The following DCHS2 variants were observed in gnomAD, a reference collection of about 807,000 sequenced individuals.
DCHS2 encodes protocadherin-23.
A neutral mutation model predicts 182.4 loss-of-function variants in DCHS2; 142 were observed. The observed-to-expected ratio is 0.78, with a 90% CI of 0.68 to 0.89. The LOEUF (loss-of-function observed/expected upper bound fraction) is 0.89, where lower values mean the gene tolerates loss of function less well. Among genes scored for constraint, DCHS2 ranks in the 40% least tolerant of loss-of-function variants. DCHS2 has a pLI of 0.00. For synonymous variants in DCHS2, 1,740 were observed against 1,663.3 expected (o/e 1.05, Z -1.12); for missense variants, 4,319 against 4,198.6 (o/e 1.03, Z -0.79).
At position 154,237,083 on chromosome 4, in the gene DCHS2, A is replaced by G. The variant is rs1241705660; in HGVS notation, c.7569T>C (p.Asp2523=). The G allele has an allele frequency of 6.2e-7, 1 of 1,613,882 alleles. No individual in the cohort carries two copies. Among genetic ancestry groups the G allele is most frequent in the Non-Finnish European group, 8.5e-7 (1 of 1,179,886 alleles). ...GAGCTCTCAGGTCAGGATTTCCACC[A>G]TCACTGGCTTCCACAAGAAATTGAG... ...STTQFLVEAS[D]GGNPDLRALT... Residue 2523 remains aspartate (D), a synonymous_variant, in exon 20 of 20, where the codon GAT becomes GAC. Transcript: ENST00000357232.
rs760421253 is a variant in DCHS2, at chr4:154,235,022, A to T, written c.9630T>A (p.Asp3210Glu). Reference sequence around the variant, plus strand: ...AAAGAGCTGCACACCTTACTTCCTGATCACCTGAAATAAAGACAGACTCTT... The same window carrying T: ...AAAGAGCTGCACACCTTACTTCCTGTTCACCTGAAATAAAGACAGACTCTT... ...VRKESVFISG[D>E]QEVRCAALST... Residue 3210 changes from aspartate to glutamate, a missense_variant, in exon 20 of 20, where the codon GAT becomes GAA. Physicochemically the swap from Asp to Glu is conservative, Grantham distance 45. Coordinates refer to ENST00000357232, the MANE Select transcript of DCHS2 (RefSeq NM_001358235.2). 2 of 1,613,992 alleles carry T rather than the reference A, an allele frequency of 1.2e-6. No homozygotes were observed. Among genetic ancestry groups the T allele is most frequent in the Non-Finnish European group, 1.7e-6 (2 of 1,179,968 alleles).
intron 1 of DCHS2, among the ~76,000 whole-genome samples, chr4:154,398,059 C>T (rs1732006196): frequency 6.6e-6 from 1 of 152,176 alleles, no homozygotes; most frequent in Non-Finnish European, 1.5e-5. Flanking sequence ...AGTAGATACA[C>T]TTTGTTTTTG....
intron 3 of DCHS2, among the ~76,000 whole-genome samples, chr4:154,356,066 A>AT (rs1353715412): frequency 6.6e-6 from 1 of 152,152 alleles, no homozygotes; most frequent in Non-Finnish European, 1.5e-5. Flanking sequence ...CATTGCTATC[A>AT]TAGGAGATGA....
In DCHS2 at chr4:154,287,756, A is replaced by G. The variant is rs572020515; in HGVS notation, c.6463+10095T>C. 1.7e-4 allele frequency among the ~76,000 whole-genome samples: 26 copies of G among 152,234 alleles called. 1 individual carries two copies. In the South Asian group the frequency reaches 5.4e-3, roughly 32 times the overall value. ...CTCAGCCTCTTGACATCCTGGGATT[A>G]TAGATGTGAGCCACAGCACCCTGCC... is the stretch of plus-strand genomic sequence containing the variant. On this transcript the variant is annotated intron_variant, in intron 13 of 19. Transcript: ENST00000357232.
At chr4:154,373,947 C>T (rs532015682) in intron 2 of DCHS2, 2 of 1,596,740 alleles carry the variant, frequency 1.3e-6, no homozygotes, top group South Asian at 2.2e-5. Context: ...GTGTCATTCT[C>T]TGCTCATCCT....
intron 1 of DCHS2, among the ~76,000 whole-genome samples, chr4:154,440,024 T>C (rs138628546): frequency 3.2e-4 from 48 of 152,342 alleles, no homozygotes; most frequent in African/African-American, 1.1e-3. Context: ...TCCAAAGTCA[T>C]CTATTTATTG....
At chr4:154,317,430 A>G (rs1386609690) in intron 9 of DCHS2, among the ~76,000 whole-genome samples, 1 of 152,182 alleles carries the variant, frequency 6.6e-6, no homozygotes, top group African/African-American at 2.4e-5. Flanking sequence ...GTGTCCATGC[A>G]TGCCTCAGAA....
chr4:154,304,564 T>TGAAGTTGCAGTGAG (rs1735359125), intron 12 of DCHS2, 105 bp downstream of exon 12: 1 of 953,984 alleles, frequency 1.0e-6, no homozygotes, highest in Admixed American at 2.8e-5. Context: ...ACCTGGGAGG[T>TGAAGTTGCAGTGAG]GAAGTTGCAG....
At chr4:154,332,359 A>G (rs931329826) in intron 5 of DCHS2, 119 bp downstream of exon 5, 1 of 878,772 alleles carries the variant, frequency 1.1e-6, no homozygotes, top group Non-Finnish European at 1.7e-6. Flanking sequence ...ATACCTAACG[A>G]CTTGAGTTTT....
intron 8 of DCHS2, among the ~76,000 whole-genome samples, chr4:154,321,652 G>T (rs114806225): frequency 6.6e-6 from 1 of 152,172 alleles, no homozygotes; most frequent in Non-Finnish European, 1.5e-5. Flanking sequence ...GAAACTGGAG[G>T]TATGACCATA....
At chr4:154,302,511 A>G (rs1181223064) in intron 12 of DCHS2, among the ~76,000 whole-genome samples, 1 of 152,084 alleles carries the variant, frequency 6.6e-6, no homozygotes, top group African/African-American at 2.4e-5. Flanking sequence ...AACCCTGCCT[A>G]TCTCCTGTGT....
chr4:154,461,572 T>C (rs913912310), intron 1 of DCHS2, among the ~76,000 whole-genome samples: 1 of 152,172 alleles, frequency 6.6e-6, no homozygotes, highest in Non-Finnish European at 1.5e-5. Context: ...TGTGACATAG[T>C]ATAATGACAG....
intron 1 of DCHS2, among the ~76,000 whole-genome samples, chr4:154,392,658 C>T (rs1230405049): frequency 3.3e-5 from 5 of 152,284 alleles, no homozygotes; most frequent in East Asian, 3.9e-4. Flanking sequence ...GAAAACCATG[C>T]ACATAGATCT....
intron 1 of DCHS2, among the ~76,000 whole-genome samples, chr4:154,390,272 C>CA (rs1731637937): frequency 8.7e-6 from 1 of 114,448 alleles, no homozygotes. Flanking sequence ...CCCCTCCCCC[C>CA]ACCCCACAAC....
chr4:154,373,845 C>A, intron 2 of DCHS2: 1 of 1,235,996 alleles, frequency 8.1e-7, no homozygotes. Context: ...AGAAGGAAAA[C>A]TCGAAGCTCT....
chr4:154,238,626 C>G (rs1388746756), intron 19 of DCHS2, among the ~76,000 whole-genome samples: 2 of 152,146 alleles, frequency 1.3e-5, no homozygotes, highest in Non-Finnish European at 2.9e-5. Context: ...AGACAAAAAG[C>G]CTTGGGAAGC....
At chr4:154,342,077 A>G (rs1376921385) in intron 3 of DCHS2, among the ~76,000 whole-genome samples, 1 of 152,218 alleles carries the variant, frequency 6.6e-6, no homozygotes, top group African/African-American at 2.4e-5. Flanking sequence ...TGCAAAAAAA[A>G]GTGAGACACA....
At chr4:154,272,987 C>T (rs976742492) in intron 13 of DCHS2, among the ~76,000 whole-genome samples, 8 of 152,048 alleles carry the variant, frequency 5.3e-5, no homozygotes, top group African/African-American at 9.7e-5. Context: ...TCCACTTCTA[C>T]GCTGTTGGTG....
chr4:154,416,296 G>GC (rs933262134), intron 1 of DCHS2, among the ~76,000 whole-genome samples: 27 of 152,336 alleles, frequency 1.8e-4, no homozygotes, highest in African/African-American at 5.8e-4. Flanking sequence ...AGCTGCATCA[G>GC]CCCCGTCTTC....
Sources: allele counts gnomAD v4.1 joint callset (sites outside exome capture counted in the v4.1 genomes callset), GRCh38; gene constraint gnomAD v4.1.1; transcripts MANE v1.5; gene names NCBI Gene and HGNC (gene_info 2026-07-23, HGNC 2026-07-21).